The following ENOX1 variants were observed in gnomAD, a reference collection of about 807,000 sequenced individuals.
The protein encoded by ENOX1 is ecto-NOX disulfide-thiol exchanger 1.
ENOX1 carries 42 observed loss-of-function variants against 82.5 expected under a neutral mutation model. The observed-to-expected ratio is 0.51, with a 90% CI of 0.40 to 0.66. The LOEUF is 0.66. Among genes scored for constraint, ENOX1 ranks in the 30% least tolerant of loss-of-function variants. ENOX1 has a pLI of 0.00. For missense variants in ENOX1, 608 were observed against 811.6 expected (o/e 0.75, Z 3.05); for synonymous variants, 271 against 282.2 (o/e 0.96, Z 0.40).
At chr13:43,494,866 G>A (rs1347193196) in intron 2 of ENOX1, among the ~76,000 whole-genome samples, 2 of 152,072 alleles carry the variant, frequency 1.3e-5, no homozygotes, top group Non-Finnish European at 2.9e-5. Context: ...TTGGATGGAA[G>A]AAAAATGCAG....
At chr13:43,716,401 C>T (rs2088135769) in intron 1 of ENOX1, among the ~76,000 whole-genome samples, 1 of 152,084 alleles carries the variant, frequency 6.6e-6, no homozygotes, top group African/African-American at 2.4e-5. Context: ...GCAGAAATCG[C>T]CCATCTTCTG....
At chr13:43,586,059 A>C (rs1036128395) in intron 2 of ENOX1, among the ~76,000 whole-genome samples, 6 of 152,150 alleles carry the variant, frequency 3.9e-5, no homozygotes, top group Non-Finnish European at 7.4e-5. Flanking sequence ...TCTTTTCCTA[A>C]AGCGTCTATG....
At chr13:43,453,419 T>G (rs1029099548) in intron 3 of ENOX1, among the ~76,000 whole-genome samples, 7 of 152,240 alleles carry the variant, frequency 4.6e-5, no homozygotes, top group Non-Finnish European at 8.8e-5. Context: ...ATTCTAGTGA[T>G]GTTTATTTTT....
intron 5 of ENOX1, among the ~76,000 whole-genome samples, chr13:43,383,444 T>A (rs771021911): frequency 5.3e-5 from 8 of 152,140 alleles, no homozygotes; most frequent in Non-Finnish European, 8.8e-5. Context: ...TCATTCTGGG[T>A]GCTAAAATGA....
intron 3 of ENOX1, among the ~76,000 whole-genome samples, chr13:43,425,126 A>T (rs2055215080): frequency 6.6e-6 from 1 of 152,144 alleles, no homozygotes; most frequent in African/African-American, 2.4e-5. Flanking sequence ...AACATACATG[A>T]TTCAGAAGCT....
chr13:43,419,830 G>C (rs2054867175), intron 3 of ENOX1, among the ~76,000 whole-genome samples: 1 of 152,110 alleles, frequency 6.6e-6, no homozygotes, highest in South Asian at 2.1e-4. Context: ...AATTAGCCGG[G>C]CGTGGTGACG....
At chr13:43,731,588 G>A (rs1159856856) in intron 1 of ENOX1, among the ~76,000 whole-genome samples, 3 of 151,448 alleles carry the variant, frequency 2.0e-5, no homozygotes, top group Non-Finnish European at 2.9e-5. Flanking sequence ...TGGAGTAAGA[G>A]AAGATTGAAA....
intron 1 of ENOX1, among the ~76,000 whole-genome samples, chr13:43,729,864 A>G (rs1230571198): frequency 1.3e-5 from 2 of 152,220 alleles, no homozygotes; most frequent in Admixed American, 1.3e-4. Context: ...TCTCTGTACC[A>G]TTCCAATTTT....
chr13:43,520,669 G>A (rs2077731068), intron 2 of ENOX1, among the ~76,000 whole-genome samples: 1 of 152,132 alleles, frequency 6.6e-6, no homozygotes, highest in Non-Finnish European at 1.5e-5. Flanking sequence ...GGCGGCCACT[G>A]GTCAGGTAGA....
At chr13:43,390,622 T>C (rs2153581538) in intron 5 of ENOX1, among the ~76,000 whole-genome samples, 1 of 152,316 alleles carries the variant, frequency 6.6e-6, no homozygotes, top group South Asian at 2.1e-4. Context: ...ACTTTACTTT[T>C]TATATTATCC....
intron 14 of ENOX1, among the ~76,000 whole-genome samples, chr13:43,261,836 T>A (rs1170888028): frequency 9.0e-6 from 1 of 110,554 alleles, no homozygotes; most frequent in Non-Finnish European, 1.8e-5. Context: ...CTGGGGACTG[T>A]TGTGGGGTGG....
chr13:43,218,654 A>G (rs2041618664), intron 16 of ENOX1, among the ~76,000 whole-genome samples: 1 of 152,196 alleles, frequency 6.6e-6, no homozygotes, highest in Non-Finnish European at 1.5e-5. Flanking sequence ...AGCTAATTCT[A>G]GAAGAATTCC....
chr13:43,333,020 C>T (rs1209721755), intron 9 of ENOX1, among the ~76,000 whole-genome samples: 1 of 152,134 alleles, frequency 6.6e-6, no homozygotes. Flanking sequence ...CTATGAGAAA[C>T]CTTTTTTACT....
chr13:43,616,132 ATCTATCTAGATATC>A lies in ENOX1; in HGVS notation c.-219+51333_-219+51346del, dbSNP rs1566641029. ...GATATCTATAGATCTATAGATATCT[ATCTATCTAGATATC>A]TATATAGATAGATATCTATCTATCT... On this transcript the variant is annotated intron_variant, in intron 2 of 16. Transcript: ENST00000690772. Among the ~76,000 whole-genome samples the A allele has an allele frequency of 1.7e-4, 13 of 76,628 alleles. 3 individuals are homozygous for A. Among genetic ancestry groups the A allele is most frequent in the South Asian group, 5.1e-4 (1 of 1,958 alleles). 50.3% of individuals were successfully genotyped at this position (76,628 alleles called of 152,430 possible). A position where few individuals can be genotyped will look rare whatever the true frequency, so the allele number is the denominator to read the frequency against.
intron 2 of ENOX1, among the ~76,000 whole-genome samples, chr13:43,484,995 C>T (rs1390988293): frequency 6.6e-6 from 1 of 152,174 alleles, no homozygotes; most frequent in Non-Finnish European, 1.5e-5. Flanking sequence ...TCTGGCCCAT[C>T]CATGTGACCC....
chr13:43,454,858 T>A (rs1594709298), intron 3 of ENOX1, among the ~76,000 whole-genome samples: 3 of 144,466 alleles, frequency 2.1e-5, no homozygotes, highest in African/African-American at 7.7e-5. Flanking sequence ...TTTTTTTTTT[T>A]ACACAATTAG....
chr13:43,468,700 T>C lies in ENOX1; in HGVS notation c.-75+15309A>G, dbSNP rs878953393. Reference sequence around the variant, plus strand: ...GATGGCACTGAATCTGTAGATATATTTGGGGAGTACTGACATTTTGCTAAC... The same window carrying C: ...GATGGCACTGAATCTGTAGATATATCTGGGGAGTACTGACATTTTGCTAAC... On this transcript the variant is annotated intron_variant, in intron 3 of 16. Coordinates refer to ENST00000690772, the MANE Select transcript of ENOX1 (RefSeq NM_001347969.2). 5.3e-5 allele frequency among the ~76,000 whole-genome samples: 8 copies of C among 152,080 alleles called. No individual in the cohort carries two copies. The East Asian group carries it at 1.5e-3, about 29-fold the overall frequency.
intron 11 of ENOX1, among the ~76,000 whole-genome samples, chr13:43,312,690 C>T (rs557144119): frequency 2.6e-5 from 4 of 152,292 alleles, no homozygotes; most frequent in Non-Finnish European, 4.4e-5. Context: ...TAAAGCCATA[C>T]AGCAGACTCT....
chr13:43,562,557 C>T (rs989060085), intron 2 of ENOX1, among the ~76,000 whole-genome samples: 1 of 152,058 alleles, frequency 6.6e-6, no homozygotes, highest in African/African-American at 2.4e-5. Context: ...AATGAACTAA[C>T]CTCTACAACC....
Sources: allele counts gnomAD v4.1 joint callset (sites outside exome capture counted in the v4.1 genomes callset), GRCh38; gene constraint gnomAD v4.1.1; transcripts MANE v1.5; gene names NCBI Gene and HGNC (gene_info 2026-07-23, HGNC 2026-07-21).